The following FAM170A variants were observed in gnomAD, a reference collection of about 807,000 sequenced individuals.
FAM170A encodes the protein family with sequence similarity 170 member A.
A neutral mutation model predicts 36.6 loss-of-function variants in FAM170A; 28 were observed. The ratio of observed to expected loss-of-function variants is 0.76; its 90% CI spans 0.57 to 1.05. FAM170A has a LOEUF of 1.05. Ranked by LOEUF, FAM170A falls within the 50% of genes least tolerant of loss-of-function variation. FAM170A has a pLI of 0.00. For synonymous variants in FAM170A, 156 were observed against 143.9 expected (o/e 1.08, Z -0.60); for missense variants, 434 against 396.5 (o/e 1.09, Z -0.80).
chr5:119,629,651 A>G, exon 1 of FAM170A: 1 of 762,552 alleles, frequency 1.3e-6, no homozygotes, highest in Non-Finnish European at 2.2e-6. Flanking sequence ...AGATTCAACT[A>G]CGTTTACTCG....
At chr5:119,631,829 T>C (rs965095921) in intron 1 of FAM170A, among the ~76,000 whole-genome samples, 1 of 152,164 alleles carries the variant, frequency 6.6e-6, no homozygotes, top group African/African-American at 2.4e-5. Context: ...ATACATGCCA[T>C]ATCTGCAACA....
exon 3 of FAM170A, chr5:119,634,221 T>A (rs774563033): frequency 6.2e-7 from 1 of 1,614,132 alleles, no homozygotes; most frequent in South Asian, 1.1e-5. Flanking sequence ...CAGCCAAGGA[T>A]GGAAGAAGTG....
Position 119,634,008 on chromosome 5 carries a change from C to T in FAM170A, c.260C>T (p.Ala87Val), listed in dbSNP as rs201150712. The T allele has an allele frequency of 7.3e-4, 1,173 of 1,614,134 alleles. 17 individuals carry two copies. The South Asian group carries it at 7.6e-3, about 11-fold the overall frequency. ...AGCCCCCAGCCTCAATCACCCCTGG[C>T]CCAGGTTCAGGAACGAGGAGAGACT... The change falls in exon 3 of 5, where the codon GCC becomes GTC. Residue 87 changes from alanine to valine, a missense_variant. Ala to Val is a moderately conservative substitution (Grantham distance 64). Transcript: ENST00000613773.
At chr5:119,629,996 A>T (rs1323167898) in intron 1 of FAM170A, among the ~76,000 whole-genome samples, 158 bp downstream of exon 1, 3 of 151,444 alleles carry the variant, frequency 2.0e-5, no homozygotes, top group Non-Finnish European at 4.4e-5. Flanking sequence ...GGTTCACGCC[A>T]TTCTCCTGCC....
chr5:119,634,577 C>G, exon 3 of FAM170A: 1 of 1,613,388 alleles, frequency 6.2e-7, no homozygotes, highest in Non-Finnish European at 8.5e-7. Context: ...AGAGAGCACC[C>G]AAGATGAGCA....
chr5:119,634,702 A>AGGCTGTGT lies in FAM170A; in HGVS notation c.956_963dup (p.Phe322AlafsTer46), dbSNP rs1206136261. 6 of 1,551,368 alleles carry AGGCTGTGT rather than the reference A, an allele frequency of 3.9e-6. No homozygotes were observed. The highest frequency in any genetic ancestry group is 5.2e-6 in the Non-Finnish European group (6 of 1,151,336). ...TGAGGAGATCCTGGAGCCAATGTCC[A>AGGCTGTGT]GGCTGTGTGTTTCATTCTCCAAAGG... On this transcript the variant is annotated frameshift_variant, in exon 3 of 5. Transcript: ENST00000613773. LOFTEE classifies it high-confidence loss of function.
intron 2 of FAM170A, among the ~76,000 whole-genome samples, chr5:119,633,745 C>T (rs977692661): frequency 6.6e-6 from 1 of 152,028 alleles, no homozygotes; most frequent in Non-Finnish European, 1.5e-5. Flanking sequence ...CACCACCATA[C>T]TCCACACCCC....
At chr5:119,630,321 AT>A (rs10603530) in intron 1 of FAM170A, among the ~76,000 whole-genome samples, 6,222 of 117,894 alleles carry the variant, frequency 0.053, 217 homozygotes, top group East Asian at 0.11. Context: ...CGCCTGGCTA[AT>A]TTTTTTTTTT....
At chr5:119,630,059 T>G (rs1305616894) in intron 1 of FAM170A, among the ~76,000 whole-genome samples, 1 of 148,904 alleles carries the variant, frequency 6.7e-6, no homozygotes, top group East Asian at 2.0e-4. Context: ...GCCCGGCTAA[T>G]TTTTTGTATT....
At chr5:119,629,660 C>A (rs1375838589) in exon 1 of FAM170A, 1 of 819,688 alleles carries the variant, frequency 1.2e-6, no homozygotes, top group Non-Finnish European at 2.0e-6. Flanking sequence ...TACGTTTACT[C>A]GTACTGAATC....
rs1756322565 is a variant in FAM170A, at chr5:119,634,182, CAG to C, written c.437_438del (p.Glu146GlyfsTer19). 6.2e-7 allele frequency: 1 copy of C among 1,614,094 alleles called. No individual in the cohort carries two copies. Among genetic ancestry groups the C allele is most frequent in the Non-Finnish European group, 8.5e-7 (1 of 1,180,054 alleles). On this transcript the variant is annotated frameshift_variant, in exon 3 of 5. Coordinates refer to ENST00000613773, the Ensembl canonical transcript of FAM170A. LOFTEE classifies it high-confidence loss of function. ...AAAGGTGTGGCTGTCTCCTGGGAGA[CAG>C]AGGAAACTTTGGAGTCCTTAGAAAA...
At position 119,633,902 on chromosome 5, in the gene FAM170A, T is replaced by TC. The variant is rs1756311912; in HGVS notation, c.212-55dup. On this transcript the variant is annotated intron_variant, in intron 2 of 4. Transcript: ENST00000613773. ...TGCACCACACATATTTAACTTACGT[T>TC]CCCTCAGCTCCTAGCATGGCCCATG... 6.4e-6 allele frequency: 10 copies of TC among 1,552,258 alleles called. No homozygotes were observed. The Admixed American group carries it at 1.9e-4, about 30-fold the overall frequency.
At chr5:119,634,401 C>T (rs772661233) in exon 3 of FAM170A, 19 of 1,614,046 alleles carry the variant, frequency 1.2e-5, no homozygotes, top group Non-Finnish European at 1.5e-5. Flanking sequence ...GCCAAGACTC[C>T]TGACTGGCTG....
intron 1 of FAM170A, among the ~76,000 whole-genome samples, chr5:119,630,097 T>G (rs1295722150): frequency 2.1e-5 from 3 of 146,190 alleles, no homozygotes; most frequent in African/African-American, 7.6e-5. Context: ...TTCACCGTGT[T>G]AGCCAGGATG....
intron 1 of FAM170A, 113 bp from the exon 2 acceptor site, chr5:119,632,635 G>A (rs1756277758): frequency 4.1e-6 from 4 of 965,626 alleles, no homozygotes; most frequent in African/African-American, 3.3e-5. Context: ...CAAACCATGT[G>A]TGTTCACTAC....
At chr5:119,629,872 G>C (rs376574726) in intron 1 of FAM170A, 34 bp downstream of exon 1, 68 of 1,537,454 alleles carry the variant, frequency 4.4e-5, no homozygotes, top group Non-Finnish European at 6.0e-5. Flanking sequence ...GGGCACAAGC[G>C]TCACTGGCCA....
chr5:119,632,769 A>T, exon 2 of FAM170A: 1 of 1,605,828 alleles, frequency 6.2e-7, no homozygotes, highest in South Asian at 1.1e-5. Flanking sequence ...TCCCAAGAGG[A>T]TGCCCTGCAG....
At chr5:119,635,667 C>T (rs1404786922) in intron 4 of FAM170A, 33 bp from the exon 5 acceptor site, 2 of 154,628 alleles carry the variant, frequency 1.3e-5, no homozygotes, top group Non-Finnish European at 2.9e-5. Flanking sequence ...TTGCCTCTTC[C>T]TCTTCTGCCT....
chr5:119,634,840 C>A, intron 3 of FAM170A, 106 bp downstream of exon 3: 3 of 1,301,198 alleles, frequency 2.3e-6, no homozygotes, highest in South Asian at 1.4e-5. Context: ...GATTTGGGGG[C>A]TTTATTGGCT....
Sources: gnomAD v4.1 joint callset for allele counts (sites outside exome capture counted in the v4.1 genomes callset) on GRCh38, gnomAD v4.1.1 for gene constraint, MANE v1.5 for transcripts, NCBI Gene and HGNC (gene_info 2026-07-23, HGNC 2026-07-21) for gene names.